SCAPER: variants seen among roughly 807,000 people sequenced by gnomAD.
The protein encoded by SCAPER is S phase cyclin A-associated protein in the endoplasmic reticulum.
A neutral mutation model predicts 182.2 loss-of-function variants in SCAPER; 98 were observed. That is an observed-to-expected ratio of 0.54 (90% CI 0.46 to 0.64). SCAPER has a LOEUF of 0.64. Among genes scored for constraint, SCAPER ranks in the 30% least tolerant of loss-of-function variants. The pLI, the probability that SCAPER is intolerant of heterozygous loss-of-function variation, is 0.00. For synonymous variants in SCAPER, 605 were observed against 564.6 expected, an observed-to-expected ratio of 1.07 and a Z score of -1.01; for missense variants, 1,432 against 1,690.0, an observed-to-expected ratio of 0.85 and a Z score of 2.68.
At chr15:76,794,907 A>T (rs1188247646) in intron 8 of SCAPER, among the ~76,000 whole-genome samples, 2 of 152,250 alleles carry the variant, frequency 1.3e-5, no homozygotes, top group Admixed American at 1.3e-4. Context: ...GTACAAAATA[A>T]CAATCAAGTA....
chr15:76,640,519 G>A (rs1178745843), intron 21 of SCAPER, among the ~76,000 whole-genome samples: 1 of 152,204 alleles, frequency 6.6e-6, no homozygotes, highest in Non-Finnish European at 1.5e-5. Flanking sequence ...GTATCTCTAA[G>A]GGGTTATCTA....
At chr15:76,398,381 T>C (rs896207283) in intron 27 of SCAPER, among the ~76,000 whole-genome samples, 2 of 152,244 alleles carry the variant, frequency 1.3e-5, no homozygotes, top group East Asian at 1.9e-4. Context: ...AGGCATCTTT[T>C]TCCCCCTACA....
At chr15:76,391,490 A>G (rs889875191) in intron 27 of SCAPER, among the ~76,000 whole-genome samples, 1 of 152,200 alleles carries the variant, frequency 6.6e-6, no homozygotes, top group Non-Finnish European at 1.5e-5. Flanking sequence ...AATATTTGCC[A>G]AAGAAATAGA....
At chr15:76,607,481 G>A (rs1483029438) in intron 22 of SCAPER, among the ~76,000 whole-genome samples, 10 of 152,128 alleles carry the variant, frequency 6.6e-5, no homozygotes. Context: ...TGGTGAATCT[G>A]ACAATTTTGT....
intron 27 of SCAPER, among the ~76,000 whole-genome samples, chr15:76,402,093 C>T (rs1055365710): frequency 1.3e-5 from 2 of 152,136 alleles, no homozygotes; most frequent in Admixed American, 6.5e-5. Context: ...TGCCTCTGTA[C>T]TCCAGCCTGG....
At chr15:76,554,103 C>G (rs2045996052) in intron 23 of SCAPER, among the ~76,000 whole-genome samples, 1 of 152,116 alleles carries the variant, frequency 6.6e-6, no homozygotes, top group Non-Finnish European at 1.5e-5. Context: ...AATACAGGAG[C>G]TAAAAGATGA....
rs556366078 is a variant in SCAPER at position 76,553,979 on chromosome 15, T to C, written c.2838+20179A>G. 2.6e-4 allele frequency among the ~76,000 whole-genome samples: 40 copies of C among 152,070 alleles called. No homozygotes were observed. The East Asian group carries it at 7.2e-3, about 27-fold the overall frequency. ...CCCTAGCAATGTTTTTTGACCAGGC[T>C]CAAACGGCTGAAATGACAGACACAG... On this transcript the variant is annotated intron_variant, in intron 23 of 31. Coordinates refer to ENST00000563290, the MANE Select transcript of SCAPER (RefSeq NM_020843.4).
chr15:76,435,930 T>C (rs1310303410), intron 25 of SCAPER, among the ~76,000 whole-genome samples: 1 of 152,224 alleles, frequency 6.6e-6, no homozygotes, highest in Non-Finnish European at 1.5e-5. Context: ...TACCTTGGTA[T>C]AGATTTTCTT....
chr15:76,878,276 A>G (rs2073311687), intron 2 of SCAPER, among the ~76,000 whole-genome samples: 1 of 152,228 alleles, frequency 6.6e-6, no homozygotes, highest in Admixed American at 6.5e-5. Context: ...GAGAAAGGAA[A>G]GAATAAAACC....
chr15:76,483,597 C>T (rs373983289), intron 24 of SCAPER, among the ~76,000 whole-genome samples: 3 of 152,194 alleles, frequency 2.0e-5, no homozygotes, highest in South Asian at 2.1e-4. Flanking sequence ...ATGGAAAACA[C>T]ATATCTGATA....
intron 25 of SCAPER, among the ~76,000 whole-genome samples, chr15:76,436,388 A>G (rs1029238935): frequency 1.3e-5 from 2 of 152,016 alleles, no homozygotes; most frequent in Non-Finnish European, 2.9e-5. Flanking sequence ...TTTTGAACCT[A>G]GACTGAGCTT....
intron 23 of SCAPER, among the ~76,000 whole-genome samples, chr15:76,529,384 A>T (rs536175562): frequency 6.6e-6 from 1 of 152,220 alleles, no homozygotes; most frequent in Admixed American, 6.5e-5. Context: ...GATTGATTCA[A>T]CAAATGTTTA....
intron 22 of SCAPER, among the ~76,000 whole-genome samples, chr15:76,592,014 T>C (rs1381058236): frequency 1.3e-5 from 2 of 152,150 alleles, no homozygotes; most frequent in African/African-American, 4.8e-5. Flanking sequence ...GAGCTGATAT[T>C]GCACCATTGC....
At chr15:76,412,474 T>C (rs2045361217) in intron 26 of SCAPER, among the ~76,000 whole-genome samples, 1 of 152,136 alleles carries the variant, frequency 6.6e-6, no homozygotes, top group African/African-American at 2.4e-5. Flanking sequence ...TCAATATTGC[T>C]GTTAACTTTT....
Position 76,381,560 on chromosome 15 carries a change from G to A in SCAPER, c.3523C>T (p.Leu1175Phe). The stretch of plus-strand genomic sequence containing the variant: ...ACTCCAGCCAGGTCGGTTGCCTGAA[G>A]AGCAGCTGTCAGCCCTGTGGGATCC... ...RQDPTGLTAA[L>F]QATDLAGVLH... Residue 1175 changes from leucine to phenylalanine, a missense_variant, in exon 28 of 32, where the codon CTT (leucine) becomes TTT (phenylalanine). This residue lies in a region of SCAPER where 718 missense variants were observed against 799.7 expected (regional missense o/e 0.90). Transcript: ENST00000563290. 1 of 1,611,064 alleles carries A rather than the reference G, an allele frequency of 6.2e-7. No individual in the cohort carries two copies. The highest frequency in any genetic ancestry group is 1.6e-4 in the Middle Eastern group (1 of 6,062).
rs562004815 is a variant in SCAPER, at chr15:76,582,888, C to T, written c.2712-8604G>A. On this transcript the variant is annotated intron_variant, in intron 22 of 31. Coordinates refer to ENST00000563290, the MANE Select transcript of SCAPER (RefSeq NM_020843.4). ...AGACAGTCTCTTCAATAAATGGTGC[C>T]GAGAGAACTGGATATCCATACTCAA... Among the ~76,000 whole-genome samples, 4 of 152,176 alleles carry T rather than the reference C, an allele frequency of 2.6e-5. No individual in the cohort carries two copies. In the East Asian group the frequency reaches 5.8e-4, roughly 22 times the overall value.
At chr15:76,459,053 C>T (rs1381400489) in intron 25 of SCAPER, among the ~76,000 whole-genome samples, 1 of 152,146 alleles carries the variant, frequency 6.6e-6, no homozygotes, top group South Asian at 2.1e-4. Flanking sequence ...TGCCACCATG[C>T]CTGGCAAATT....
chr15:76,649,850 T>C (rs1453189327), intron 21 of SCAPER, among the ~76,000 whole-genome samples: 2 of 152,074 alleles, frequency 1.3e-5, no homozygotes, highest in East Asian at 1.9e-4. Context: ...TCAGTAGACC[T>C]GAACTATTAA....
intron 20 of SCAPER, among the ~76,000 whole-genome samples, chr15:76,697,772 T>C (rs2058727392): frequency 6.6e-6 from 1 of 152,076 alleles, no homozygotes; most frequent in Admixed American, 6.6e-5. Flanking sequence ...CTGAAGTAGC[T>C]GGAATTACAG....
Sources: gnomAD v4.1 joint callset for allele counts (sites outside exome capture counted in the v4.1 genomes callset) on GRCh38, gnomAD v4.1.1 for gene constraint, gnomAD v4.1.1 regional missense constraint, MANE v1.5 for transcripts, NCBI Gene and HGNC (gene_info 2026-07-23, HGNC 2026-07-21) for gene names.